GABBR2: variants seen among roughly 807,000 people sequenced by gnomAD.
GABBR2 encodes gamma-aminobutyric acid type B receptor subunit 2.
A neutral mutation model predicts 105.6 loss-of-function variants in GABBR2; 23 were observed. The observed-to-expected ratio is 0.22, with a 90% CI of 0.16 to 0.31. The LOEUF is 0.31. Among genes scored for constraint, GABBR2 ranks in the 10% least tolerant of loss-of-function variants. The pLI is 1.00. For missense variants in GABBR2, 734 were observed against 1,245.5 expected (o/e 0.59, Z 6.18); for synonymous variants, 478 against 499.7 (o/e 0.96, Z 0.58).
At chr9:98,666,408 G>C (rs1183525622) in intron 1 of GABBR2, among the ~76,000 whole-genome samples, 1 of 152,168 alleles carries the variant, frequency 6.6e-6, no homozygotes, top group African/African-American at 2.4e-5. Context: ...GCAGCTTTAG[G>C]TTATGGTAGG....
intron 1 of GABBR2, among the ~76,000 whole-genome samples, chr9:98,646,392 A>G (rs1288181184): frequency 6.6e-6 from 1 of 152,122 alleles, no homozygotes; most frequent in African/African-American, 2.4e-5. Flanking sequence ...GGGGGAGTTG[A>G]GTGTGTCCTA....
rs76791206 is a variant in GABBR2 at position 98,310,911 on chromosome 9, T to C, written c.2004+184A>G. The stretch of plus-strand genomic sequence containing the variant: ...TGTCATCAGTGAAATGAGGATGTTA[T>C]TTGTACCTATCTCATAGGGTTGCTG... On this transcript the variant is annotated intron_variant, in intron 14 of 18. Transcript: ENST00000259455. Among the ~76,000 whole-genome samples the C allele has an allele frequency of 4.3e-3, 657 of 152,272 alleles. 27 individuals carry two copies. The South Asian group carries it at 0.073, about 17-fold the overall frequency.
intron 6 of GABBR2, among the ~76,000 whole-genome samples, chr9:98,461,761 A>C (rs1353921163): frequency 1.3e-5 from 2 of 152,226 alleles, no homozygotes; most frequent in Non-Finnish European, 2.9e-5. Flanking sequence ...AGAATCAAGA[A>C]TCGTGGTGCT....
intron 13 of GABBR2, among the ~76,000 whole-genome samples, chr9:98,361,935 C>T (rs769378150): frequency 3.9e-5 from 6 of 152,204 alleles, no homozygotes; most frequent in Non-Finnish European, 5.9e-5. Flanking sequence ...CATAGAATGA[C>T]CATTTCTGGT....
chr9:98,374,834 T>C (rs894494871), intron 11 of GABBR2, among the ~76,000 whole-genome samples: 1 of 152,196 alleles, frequency 6.6e-6, no homozygotes, highest in Non-Finnish European at 1.5e-5. Flanking sequence ...TTCAGTGTAA[T>C]AAGTCATAGC....
chr9:98,562,397 T>C (rs972228712), intron 2 of GABBR2, among the ~76,000 whole-genome samples: 5 of 152,142 alleles, frequency 3.3e-5, no homozygotes, highest in Non-Finnish European at 5.9e-5. Flanking sequence ...ACTGGAAAAA[T>C]CTCAATATGG....
At chr9:98,346,737 C>A (rs1305087860) in intron 13 of GABBR2, among the ~76,000 whole-genome samples, 3 of 152,148 alleles carry the variant, frequency 2.0e-5, no homozygotes, top group African/African-American at 7.2e-5. Flanking sequence ...CTACCTTCTA[C>A]TCTTTCCAAT....
Position 98,577,900 on chromosome 9 carries a change from C to T in GABBR2, c.459+35G>A, listed in dbSNP as rs764298228. The T allele has an allele frequency of 1.5e-5, 24 of 1,574,734 alleles. No homozygotes were observed. The East Asian group carries it at 5.0e-4, about 33-fold the overall frequency. ...CAAAAGACTGAGGGCCAACCAAAGACACCTCCCCACAAAAGAAGGTAGCTC... is the reference window on the plus strand; with the variant it reads ...CAAAAGACTGAGGGCCAACCAAAGATACCTCCCCACAAAAGAAGGTAGCTC... On this transcript the variant is annotated intron_variant, in intron 2 of 18. Transcript: ENST00000259455.
chr9:98,571,813 G>C (rs955399143), intron 2 of GABBR2, among the ~76,000 whole-genome samples: 6 of 152,192 alleles, frequency 3.9e-5, no homozygotes, highest in African/African-American at 1.4e-4. Context: ...AGCTTCCAGA[G>C]GCAGGGCTTG....
At chr9:98,458,131 G>A (rs1183285512) in intron 6 of GABBR2, among the ~76,000 whole-genome samples, 1 of 152,210 alleles carries the variant, frequency 6.6e-6, no homozygotes, top group African/African-American at 2.4e-5. Flanking sequence ...AACCTACAAT[G>A]TGACTAAACC....
intron 7 of GABBR2, among the ~76,000 whole-genome samples, chr9:98,418,568 A>C (rs1305957866): frequency 6.6e-6 from 1 of 152,050 alleles, no homozygotes; most frequent in Non-Finnish European, 1.5e-5. Flanking sequence ...AAACCCAAAA[A>C]TCCAAAAAAC....
chr9:98,561,933 T>G (rs1423271449), intron 2 of GABBR2, among the ~76,000 whole-genome samples: 1 of 152,102 alleles, frequency 6.6e-6, no homozygotes, highest in Non-Finnish European at 1.5e-5. Context: ...AATATGATAC[T>G]GAGGCAGGCA....
rs189834667 is a variant in GABBR2, at chr9:98,462,755, C to A, written c.1000-8538G>T. On this transcript the variant is annotated intron_variant, in intron 6 of 18. Transcript: ENST00000259455. The stretch of plus-strand genomic sequence containing the variant: ...AGAAAGCTGTTTGTCACAGAGTCTA[C>A]TAAAGCTGAACATATGGCTACTCTG... Among the ~76,000 whole-genome samples the A allele has an allele frequency of 3.3e-5, 5 of 152,304 alleles. No homozygotes were observed. In the East Asian group the frequency reaches 9.6e-4, roughly 29 times the overall value.
At chr9:98,556,452 A>T (rs1480947183) in intron 2 of GABBR2, among the ~76,000 whole-genome samples, 5 of 152,192 alleles carry the variant, frequency 3.3e-5, no homozygotes, top group Non-Finnish European at 7.3e-5. Context: ...AATGTGCTTC[A>T]TGGTCAGTCC....
chr9:98,568,567 G>T (rs1034640788), intron 2 of GABBR2, among the ~76,000 whole-genome samples: 1 of 152,100 alleles, frequency 6.6e-6, no homozygotes, highest in Non-Finnish European at 1.5e-5. Flanking sequence ...TGCTGGAGCT[G>T]GGAGATTTGG....
intron 7 of GABBR2, among the ~76,000 whole-genome samples, chr9:98,415,087 C>A (rs1218586125): frequency 6.6e-6 from 1 of 151,898 alleles, no homozygotes; most frequent in Non-Finnish European, 1.5e-5. Context: ...AAGTAAAAAA[C>A]AAAACAAAGG....
chr9:98,530,429 C>T (rs745816751), intron 3 of GABBR2, among the ~76,000 whole-genome samples: 10 of 152,144 alleles, frequency 6.6e-5, no homozygotes, highest in East Asian at 3.9e-4. Context: ...CCTGCCACTT[C>T]GTGGCTATGA....
At chr9:98,582,934 A>G (rs1356004811) in intron 1 of GABBR2, among the ~76,000 whole-genome samples, 1 of 152,184 alleles carries the variant, frequency 6.6e-6, no homozygotes, top group East Asian at 1.9e-4. Flanking sequence ...GGATTTGTCC[A>G]CTGTCTTGCC....
At chr9:98,302,796 C>G (rs957878297) in intron 16 of GABBR2, 2 of 156,856 alleles carry the variant, frequency 1.3e-5, no homozygotes, top group African/African-American at 4.8e-5. Context: ...AAGGCGAGGT[C>G]TGCTGCAGCA....
Sources: gnomAD v4.1 joint callset for allele counts (sites outside exome capture counted in the v4.1 genomes callset) on GRCh38, gnomAD v4.1.1 for gene constraint, MANE v1.5 for transcripts, NCBI Gene and HGNC (gene_info 2026-07-23, HGNC 2026-07-21) for gene names.